UNC5D: variants seen among roughly 807,000 people sequenced by gnomAD.
UNC5D encodes the protein netrin receptor UNC5D.
UNC5D carries 39 observed loss-of-function variants against 105.4 expected under a neutral mutation model. The ratio of observed to expected loss-of-function variants is 0.37; its 90% CI spans 0.29 to 0.48. UNC5D has a LOEUF of 0.48. Among genes scored for constraint, UNC5D ranks in the 20% least tolerant of loss-of-function variants. The pLI, the probability that UNC5D is intolerant of heterozygous loss-of-function variation, is 0.98. For synonymous variants in UNC5D, 452 were observed against 450.4 expected (o/e 1.00, Z -0.04); for missense variants, 991 against 1,202.4 (o/e 0.82, Z 2.60).
At chr8:35,714,261 A>C (rs1222053925) in intron 8 of UNC5D, among the ~76,000 whole-genome samples, 1 of 152,234 alleles carries the variant, frequency 6.6e-6, no homozygotes, top group Non-Finnish European at 1.5e-5. Context: ...AAGATAATTC[A>C]AGAGAAGAAA....
intron 16 of UNC5D, among the ~76,000 whole-genome samples, chr8:35,789,141 A>G (rs1178254449): frequency 6.1e-5 from 2 of 32,874 alleles, no homozygotes; most frequent in African/African-American, 2.9e-4. Flanking sequence ...AAAAGACTAT[A>G]TATATATATA....
intron 4 of UNC5D, among the ~76,000 whole-genome samples, chr8:35,673,242 T>C (rs935846962): frequency 6.6e-6 from 1 of 152,102 alleles, no homozygotes; most frequent in Non-Finnish European, 1.5e-5. Context: ...GAAAGAAATA[T>C]TATCAAGGAG....
chr8:35,674,451 T>C (rs770258912), intron 4 of UNC5D, among the ~76,000 whole-genome samples: 3 of 152,176 alleles, frequency 2.0e-5, no homozygotes, highest in Non-Finnish European at 4.4e-5. Flanking sequence ...ACTTAACATC[T>C]GTGTTTCTTT....
intron 1 of UNC5D, among the ~76,000 whole-genome samples, chr8:35,252,922 A>G (rs1360978411): frequency 6.6e-6 from 1 of 152,182 alleles, no homozygotes; most frequent in African/African-American, 2.4e-5. Flanking sequence ...TACTGGATAT[A>G]ATATGATTAT....
rs1322493376 is a variant in UNC5D, at chr8:35,758,739, C to T, written c.2164-581C>T. Among the ~76,000 whole-genome samples the T allele has an allele frequency of 2.0e-5, 3 of 152,168 alleles. No individual in the cohort carries two copies. In the East Asian group the frequency reaches 5.8e-4, roughly 29 times the overall value. On this transcript the variant is annotated intron_variant, in intron 13 of 16. Transcript: ENST00000404895. ...TGATTTCTGTTTTCCTGAGGTACAG[C>T]TACCTTGATACACAACTTATTTTTT...
intron 1 of UNC5D, among the ~76,000 whole-genome samples, chr8:35,537,006 AAAAC>A (rs112777945): frequency 6.6e-6 from 1 of 151,908 alleles, no homozygotes; most frequent in Non-Finnish European, 1.5e-5. Flanking sequence ...TAAACAAAAC[AAAAC>A]AAACAACAAC....
chr8:35,675,004 C>G (rs914757827), intron 4 of UNC5D, among the ~76,000 whole-genome samples: 4 of 152,140 alleles, frequency 2.6e-5, no homozygotes, highest in African/African-American at 9.7e-5. Flanking sequence ...TACCCTGTCC[C>G]ACTAGATATG....
rs997285982 is a variant in UNC5D, at chr8:35,625,866, G to T, written c.570+30209G>T. ...CAGAGTGTGCAATGTATGTCTCAAT[G>T]ATTATTGATCTAAAAACCCTGTTGA... On this transcript the variant is annotated intron_variant, in intron 4 of 16. Coordinates refer to ENST00000404895, the MANE Select transcript of UNC5D (RefSeq NM_080872.4). 2.0e-5 allele frequency among the ~76,000 whole-genome samples: 3 copies of T among 152,290 alleles called. No individual in the cohort carries two copies. The East Asian group carries it at 5.8e-4, about 29-fold the overall frequency.
Position 35,284,738 on chromosome 8 carries a change from A to G in UNC5D, c.103+48851A>G, listed in dbSNP as rs565062031. On this transcript the variant is annotated intron_variant, in intron 1 of 16. Transcript: ENST00000404895. ...CCCAGCTAATTTTTTATTTTTTTGT[A>G]TTTTTAGTGGAGATGGGGTTTCACA... Among the ~76,000 whole-genome samples, 7 of 151,736 alleles carry G rather than the reference A, an allele frequency of 4.6e-5. No individual in the cohort carries two copies. In the East Asian group the frequency reaches 1.2e-3, roughly 25 times the overall value.
In UNC5D at chr8:35,567,946, CA is replaced by C. The variant is rs1224260207; in HGVS notation, c.323-151del. 6.1e-5 allele frequency: 73 copies of C among 1,198,812 alleles called. No homozygotes were observed. The African/African-American group carries it at 9.6e-4, about 16-fold the overall frequency. 74.3% of individuals were successfully genotyped at this position (1,198,812 alleles called of 1,614,324 possible). On this transcript the variant is annotated intron_variant, in intron 2 of 16. Transcript: ENST00000404895. ...TACTCAGCTGTTGAAATTTAATTAG[CA>C]GTAATATATTATTGTCAAAGTAATT...
At chr8:35,539,597 C>T (rs988642945) in intron 1 of UNC5D, among the ~76,000 whole-genome samples, 8 of 152,186 alleles carry the variant, frequency 5.3e-5, no homozygotes, top group African/African-American at 7.2e-5. Flanking sequence ...GTTGTTTAGC[C>T]TCTGAGAGCC....
chr8:35,433,487 A>G (rs1320693941), intron 1 of UNC5D, among the ~76,000 whole-genome samples: 2 of 152,184 alleles, frequency 1.3e-5, no homozygotes, highest in African/African-American at 4.8e-5. Flanking sequence ...ATTAATTTCT[A>G]TCAACTCCCC....
chr8:35,503,135 AC>A (rs993151195), intron 1 of UNC5D, among the ~76,000 whole-genome samples: 1 of 152,176 alleles, frequency 6.6e-6, no homozygotes, highest in Non-Finnish European at 1.5e-5. Context: ...TCAGCTAAGA[AC>A]ATGGCAGAGC....
intron 1 of UNC5D, among the ~76,000 whole-genome samples, chr8:35,323,006 C>CA (rs1809865337): frequency 6.6e-6 from 1 of 152,038 alleles, no homozygotes; most frequent in Non-Finnish European, 1.5e-5. Context: ...TCTGCCTCTG[C>CA]AATCCAGTCT....
At chr8:35,397,967 T>G (rs1432270458) in intron 1 of UNC5D, among the ~76,000 whole-genome samples, 6 of 152,240 alleles carry the variant, frequency 3.9e-5, no homozygotes, top group African/African-American at 7.2e-5. Flanking sequence ...AGAACCATTC[T>G]TTTTGTTACT....
chr8:35,295,525 T>C (rs544867037), intron 1 of UNC5D, among the ~76,000 whole-genome samples: 1 of 152,290 alleles, frequency 6.6e-6, no homozygotes, highest in African/African-American at 2.4e-5. Flanking sequence ...TTAAAAAATG[T>C]TTTCCCAGCT....
At chr8:35,463,705 G>C (rs985708723) in intron 1 of UNC5D, among the ~76,000 whole-genome samples, 34 of 150,068 alleles carry the variant, frequency 2.3e-4, no homozygotes, top group African/African-American at 8.1e-4. Context: ...CGGATCACTT[G>C]AACCCAAGAG....
At chr8:35,439,561 G>A (rs895957481) in intron 1 of UNC5D, among the ~76,000 whole-genome samples, 1 of 152,024 alleles carries the variant, frequency 6.6e-6, no homozygotes, top group Admixed American at 6.6e-5. Context: ...TGTTTTAGCA[G>A]AAGTCTCTTG....
At chr8:35,397,900 C>G (rs28758351) in intron 1 of UNC5D, among the ~76,000 whole-genome samples, 7,503 of 152,222 alleles carry the variant, frequency 0.049, 214 homozygotes, top group African/African-American at 0.073. Context: ...CTCTTAAGAT[C>G]AAAGCCCAGC....
Sources: gnomAD v4.1 joint callset for allele counts (sites outside exome capture counted in the v4.1 genomes callset) on GRCh38, gnomAD v4.1.1 for gene constraint, MANE v1.5 for transcripts, NCBI Gene and HGNC (gene_info 2026-07-23, HGNC 2026-07-21) for gene names.